CCDC6: variants seen among roughly 807,000 people sequenced by gnomAD.
CCDC6 encodes coiled-coil domain containing 6.
CCDC6 carries 20 observed loss-of-function variants against 56.6 expected under a neutral mutation model. The ratio of observed to expected loss-of-function variants is 0.35; its 90% CI spans 0.25 to 0.51. The LOEUF (loss-of-function observed/expected upper bound fraction) is 0.51, where lower values mean the gene tolerates loss of function less well. Ranked by LOEUF, CCDC6 falls within the 20% of genes least tolerant of loss-of-function variation. The pLI is 0.95. For missense variants in CCDC6, 367 were observed against 601.1 expected (o/e 0.61, Z 4.07); for synonymous variants, 241 against 234.4 (o/e 1.03, Z -0.26).
chr10:59,797,564 T>A (rs1277983199), intron 7 of CCDC6, among the ~76,000 whole-genome samples: 1 of 100,452 alleles, frequency 1.0e-5, no homozygotes, highest in Non-Finnish European at 1.9e-5. Flanking sequence ...AGATATTAAG[T>A]AGCCAATGAA....
chr10:59,864,697 A>G (rs2071162432), intron 1 of CCDC6, among the ~76,000 whole-genome samples: 1 of 152,180 alleles, frequency 6.6e-6, no homozygotes, highest in Non-Finnish European at 1.5e-5. Context: ...GGCTGGTTTC[A>G]CTGGGCTCAC....
intron 1 of CCDC6, among the ~76,000 whole-genome samples, chr10:59,879,720 T>C (rs962453292): frequency 2.6e-5 from 4 of 152,130 alleles, no homozygotes; most frequent in African/African-American, 9.7e-5. Flanking sequence ...AAACACCCAA[T>C]CTAAAAAGAA....
At chr10:59,852,519 C>T (rs970537299) in intron 2 of CCDC6, 34 bp downstream of exon 2, 4 of 1,519,570 alleles carry the variant, frequency 2.6e-6, no homozygotes, top group Non-Finnish European at 2.6e-6. Flanking sequence ...GGAAAATAGG[C>T]AGGGAAGATG....
At chr10:59,848,022 G>A (rs1044779901) in intron 2 of CCDC6, among the ~76,000 whole-genome samples, 4 of 151,986 alleles carry the variant, frequency 2.6e-5, no homozygotes, top group Non-Finnish European at 5.9e-5. Context: ...CCAAAGATGT[G>A]CACAACATGT....
intron 7 of CCDC6, among the ~76,000 whole-genome samples, chr10:59,798,667 A>C (rs746667364): frequency 7.2e-5 from 11 of 152,194 alleles, no homozygotes; most frequent in Non-Finnish European, 5.9e-5. Context: ...TTTATTTCTT[A>C]TGAAAGTGAT....
chr10:59,807,201 C>G (rs557843340), intron 5 of CCDC6, 123 bp from the exon 6 acceptor site: 13 of 869,250 alleles, frequency 1.5e-5, no homozygotes, highest in Non-Finnish European at 2.1e-5. Context: ...GATGGTCTTT[C>G]TGGTCGGGTA....
intron 7 of CCDC6, among the ~76,000 whole-genome samples, chr10:59,802,046 C>T (rs1188506502): frequency 2.0e-5 from 3 of 152,086 alleles, no homozygotes; most frequent in Non-Finnish European, 4.4e-5. Context: ...ATTTTTTAGA[C>T]CTCATTATTG....
At chr10:59,883,537 A>G (rs980054092) in intron 1 of CCDC6, among the ~76,000 whole-genome samples, 2 of 152,254 alleles carry the variant, frequency 1.3e-5, no homozygotes, top group African/African-American at 2.4e-5. Context: ...TTTCAATTCT[A>G]TCAGCTGAAC....
chr10:59,808,500 G>A (rs1412510045), intron 5 of CCDC6, among the ~76,000 whole-genome samples: 1 of 152,148 alleles, frequency 6.6e-6, no homozygotes, highest in Non-Finnish European at 1.5e-5. Context: ...ACAAAATGTG[G>A]TGTCTACCCA....
intron 1 of CCDC6, 98 bp downstream of exon 1, chr10:59,906,024 G>A: frequency 9.4e-7 from 1 of 1,063,156 alleles, no homozygotes. Context: ...GGGTCCCCGG[G>A]AATCTGGGGA....
intron 1 of CCDC6, among the ~76,000 whole-genome samples, chr10:59,868,441 G>A (rs924730688): frequency 3.3e-5 from 5 of 152,092 alleles, no homozygotes; most frequent in Admixed American, 2.0e-4. Context: ...CCACTAGACC[G>A]TTCCTGTGAT....
intron 2 of CCDC6, among the ~76,000 whole-genome samples, chr10:59,847,349 G>A (rs1304455477): frequency 8.1e-6 from 1 of 123,292 alleles, no homozygotes; most frequent in Non-Finnish European, 1.7e-5. Context: ...CACCGCGCCA[G>A]GCCTAGAAAT....
At chr10:59,802,763 G>GAA (rs2070588951) in intron 7 of CCDC6, among the ~76,000 whole-genome samples, 1 of 152,186 alleles carries the variant, frequency 6.6e-6, no homozygotes, top group African/African-American at 2.4e-5. Context: ...TTTTCCTGAA[G>GAA]AATCTTTGTT....
At chr10:59,881,830 T>C (rs1344846066) in intron 1 of CCDC6, among the ~76,000 whole-genome samples, 1 of 152,118 alleles carries the variant, frequency 6.6e-6, no homozygotes, top group Non-Finnish European at 1.5e-5. Context: ...TGTGATAGGG[T>C]AGACGTAACC....
chr10:59,835,276 A>C (rs535487627), intron 2 of CCDC6, among the ~76,000 whole-genome samples: 1 of 152,336 alleles, frequency 6.6e-6, no homozygotes, highest in South Asian at 2.1e-4. Context: ...TTGCCCACCA[A>C]GCAGCGTTTG....
Position 59,838,239 on chromosome 10 carries a change from C to T in CCDC6, c.454-5586G>A, listed in dbSNP as rs147914447. On this transcript the variant is annotated intron_variant, in intron 2 of 8. Coordinates refer to ENST00000263102, the MANE Select transcript of CCDC6 (RefSeq NM_005436.5). ...CTCCATAACAGCTGTCACACACACA[C>T]ACACTCTCCTTTGTGTGTGCCATGT... Among the ~76,000 whole-genome samples, 245 of 151,498 alleles carry T rather than the reference C, an allele frequency of 1.6e-3. 1 individual carries two copies. Among genetic ancestry groups the T allele is most frequent in the Non-Finnish European group, 2.7e-3 (180 of 67,870 alleles).
At chr10:59,865,852 C>CAAAAAAAAAAAAAAAAAAAAAAAA (rs777021321) in intron 1 of CCDC6, among the ~76,000 whole-genome samples, 3 of 57,038 alleles carry the variant, frequency 5.3e-5, no homozygotes, top group African/African-American at 2.2e-4. Flanking sequence ...TCCATCTCCA[C>CAAAAAAAAAAAAAAAAAAAAAAAA]AAAAAAAAAA....
chr10:59,792,121 A>G lies in CCDC6; in HGVS notation c.*796T>C. 4.3e-6 allele frequency: 1 copy of G among 231,292 alleles called. No homozygotes were observed. 14.3% of individuals were successfully genotyped at this position (231,292 alleles called of 1,614,324 possible). A position where few individuals can be genotyped will look rare whatever the true frequency, so the allele number is the denominator to read the frequency against. On this transcript the variant is annotated 3_prime_UTR_variant, in exon 9 of 9. Transcript: ENST00000263102. ...CAGCAGAAATCAAATAACACATTCTAATTAGCCATTGAAACCACCGGTGAG... is the reference window on the plus strand; with the variant it reads ...CAGCAGAAATCAAATAACACATTCTGATTAGCCATTGAAACCACCGGTGAG...
intron 1 of CCDC6, among the ~76,000 whole-genome samples, chr10:59,889,055 G>A (rs1004363764): frequency 6.6e-6 from 1 of 152,058 alleles, no homozygotes; most frequent in East Asian, 1.9e-4. Context: ...GGGGACCCAC[G>A]CACGCTTCAC....
Sources: allele counts gnomAD v4.1 joint callset (sites outside exome capture counted in the v4.1 genomes callset), GRCh38; gene constraint gnomAD v4.1.1; transcripts MANE v1.5; gene names NCBI Gene and HGNC (gene_info 2026-07-23, HGNC 2026-07-21).